THSD7B: variants seen among roughly 807,000 people sequenced by gnomAD.
THSD7B encodes the protein thrombospondin type 1 domain containing 7B, also known as thrombospondin type-1 domain-containing protein 7B.
THSD7B carries 138 observed loss-of-function variants against 213.6 expected under a neutral mutation model. The ratio of observed to expected loss-of-function variants is 0.65; its 90% CI spans 0.56 to 0.74. THSD7B has a LOEUF of 0.74. Among genes scored for constraint, THSD7B ranks in the 30% least tolerant of loss-of-function variants. The pLI is 0.00. For missense variants in THSD7B, 1,931 were observed against 1,991.5 expected, an observed-to-expected ratio of 0.97 and a Z score of 0.58; for synonymous variants, 742 against 687.0, an observed-to-expected ratio of 1.08 and a Z score of -1.25.
chr2:137,619,944 A>G (rs994935507), intron 19 of THSD7B, among the ~76,000 whole-genome samples: 2 of 152,204 alleles, frequency 1.3e-5, no homozygotes, highest in Admixed American at 1.3e-4. Context: ...TAAGCACAGA[A>G]ATAGTGTGTT....
intron 2 of THSD7B, among the ~76,000 whole-genome samples, chr2:137,035,150 T>A (rs1686752230): frequency 6.6e-6 from 1 of 152,180 alleles, no homozygotes; most frequent in African/African-American, 2.4e-5. Flanking sequence ...AACTTTATCG[T>A]TTCCCTTTTT....
intron 12 of THSD7B, among the ~76,000 whole-genome samples, chr2:137,343,082 T>G (rs1225481686): frequency 2.6e-5 from 4 of 151,628 alleles, no homozygotes; most frequent in Non-Finnish European, 5.9e-5. Flanking sequence ...TTTTTTTTTT[T>G]TGTTTTTTGT....
intron 1 of THSD7B, among the ~76,000 whole-genome samples, chr2:136,848,388 A>G (rs1333411286): frequency 6.6e-6 from 1 of 152,132 alleles, no homozygotes; most frequent in East Asian, 1.9e-4. Flanking sequence ...ATTTCTAACA[A>G]GTTTCCAGGT....
At chr2:137,053,402 G>A (rs763086705) in intron 2 of THSD7B, among the ~76,000 whole-genome samples, 4 of 151,982 alleles carry the variant, frequency 2.6e-5, no homozygotes, top group Non-Finnish European at 5.9e-5. Context: ...TTTGCTGCTT[G>A]ATGAAATTCT....
At chr2:137,487,510 T>G (rs1306274973) in intron 15 of THSD7B, among the ~76,000 whole-genome samples, 1 of 151,138 alleles carries the variant, frequency 6.6e-6, no homozygotes, top group Non-Finnish European at 1.5e-5. Flanking sequence ...TTCAAAAATT[T>G]AATGAATCCA....
chr2:137,023,063 G>A (rs891063323), intron 2 of THSD7B, among the ~76,000 whole-genome samples: 2 of 152,120 alleles, frequency 1.3e-5, no homozygotes, highest in East Asian at 3.9e-4. Context: ...ATATGCTGCA[G>A]TCAAGAAACA....
intron 20 of THSD7B, among the ~76,000 whole-genome samples, chr2:137,627,890 T>A (rs1682661668): frequency 6.6e-6 from 1 of 152,232 alleles, no homozygotes. Flanking sequence ...GTTTGTCAAT[T>A]GTTTTAAGAG....
chr2:137,204,993 G>A (rs1367191769), intron 7 of THSD7B, among the ~76,000 whole-genome samples: 1 of 152,058 alleles, frequency 6.6e-6, no homozygotes, highest in Non-Finnish European at 1.5e-5. Context: ...TACTGTGTGA[G>A]AGGCTAGGTT....
intron 15 of THSD7B, among the ~76,000 whole-genome samples, chr2:137,467,747 A>G (rs1688021258): frequency 6.6e-6 from 1 of 152,156 alleles, no homozygotes; most frequent in Admixed American, 6.6e-5. Context: ...TTTCTCTATG[A>G]GGATGCAAGT....
chr2:137,023,940 T>G (rs75025845), intron 2 of THSD7B, among the ~76,000 whole-genome samples: 3,681 of 152,156 alleles, frequency 0.024, 180 homozygotes, highest in African/African-American at 0.084. Context: ...TTTTCCTTCT[T>G]CTTTTACTAT....
intron 3 of THSD7B, among the ~76,000 whole-genome samples, chr2:137,078,931 A>T (rs1048542611): frequency 6.6e-6 from 1 of 152,050 alleles, no homozygotes; most frequent in East Asian, 1.9e-4. Context: ...TCATTTTTAA[A>T]TTCTGGTTTT....
At chr2:137,671,247 TAAAA>T (rs34209454) in intron 27 of THSD7B, among the ~76,000 whole-genome samples, 1,591 of 133,464 alleles carry the variant, frequency 0.012, 15 homozygotes, top group Middle Eastern at 0.035. Context: ...TTTTTTTTTT[TAAAA>T]AAAAAAAAAA....
intron 5 of THSD7B, among the ~76,000 whole-genome samples, chr2:137,148,540 G>T (rs954407697): frequency 6.6e-6 from 1 of 152,172 alleles, no homozygotes; most frequent in Non-Finnish European, 1.5e-5. Context: ...ACAGGAAAAT[G>T]TAGGAAACTT....
chr2:137,228,048 T>C (rs1281828811), intron 7 of THSD7B, among the ~76,000 whole-genome samples: 3 of 152,132 alleles, frequency 2.0e-5, no homozygotes, highest in Non-Finnish European at 4.4e-5. Context: ...TGTTAAGTGA[T>C]GTCCTTAAGT....
intron 4 of THSD7B, among the ~76,000 whole-genome samples, chr2:137,109,631 G>C (rs988777743): frequency 3.3e-5 from 5 of 152,108 alleles, no homozygotes; most frequent in Admixed American, 6.5e-5. Context: ...TCCCTCTCTT[G>C]TGCAGTTCAC....
At chr2:137,518,122 A>G (rs1316376507) in intron 15 of THSD7B, among the ~76,000 whole-genome samples, 1 of 152,156 alleles carries the variant, frequency 6.6e-6, no homozygotes, top group Non-Finnish European at 1.5e-5. Flanking sequence ...AGTAAGTTAC[A>G]TGAGGAAGTG....
At chr2:137,253,342 C>G (rs1269742471) in intron 10 of THSD7B, among the ~76,000 whole-genome samples, 1 of 152,096 alleles carries the variant, frequency 6.6e-6, no homozygotes, top group Non-Finnish European at 1.5e-5. Flanking sequence ...TTCTTTACAC[C>G]TGAAATGCAA....
intron 3 of THSD7B, among the ~76,000 whole-genome samples, chr2:137,057,649 TTTTA>T (rs1373476198): frequency 2.6e-5 from 4 of 152,206 alleles, no homozygotes; most frequent in African/African-American, 9.7e-5. Context: ...TCCTTTAAAA[TTTTA>T]TTTTTGTTTT....
chr2:137,607,106 T>A (rs1456195209), intron 17 of THSD7B, among the ~76,000 whole-genome samples: 2 of 150,966 alleles, frequency 1.3e-5, no homozygotes. Flanking sequence ...ATGATATCAT[T>A]AAGACGATAT....
Sources: gnomAD v4.1 joint callset for allele counts (sites outside exome capture counted in the v4.1 genomes callset) on GRCh38, gnomAD v4.1.1 for gene constraint, MANE v1.5 for transcripts, NCBI Gene and HGNC (gene_info 2026-07-23, HGNC 2026-07-21) for gene names.